Variants in TAOK3 observed in about 807,000 individuals in gnomAD.
The protein encoded by TAOK3 is TAO kinase 3, also known as serine/threonine-protein kinase TAO3.
In TAOK3, 40 loss-of-function variants were observed where a neutral mutation model predicts 120.4. The observed-to-expected ratio is 0.33, with a 90% CI of 0.26 to 0.43. The LOEUF is 0.43. TAOK3 is among the 20% of genes least tolerant of loss of function. The pLI is 1.00. For missense variants in TAOK3, 821 were observed against 1,112.1 expected (o/e 0.74, Z 3.72); for synonymous variants, 355 against 387.5 (o/e 0.92, Z 0.99).
Position 118,201,349 on chromosome 12 carries a change from G to T in TAOK3, c.934C>A (p.Leu312Ile). The change falls in exon 12 of 21, where the codon CTT (leucine) becomes ATT (isoleucine). Residue 312 changes from leucine to isoleucine, a missense_variant. Transcript: ENST00000392533. The part of the protein sequence containing the change: ...NLQYRKMKKI[L>I]FQETRNGPLN... Reference sequence around the variant, plus strand: ...GGTCCATTCCGTGTCTCTTGGAAAAGTATTTTTTTCATTTTTCGGTACTGT... The same window carrying T: ...GGTCCATTCCGTGTCTCTTGGAAAATTATTTTTTTCATTTTTCGGTACTGT... The T allele has an allele frequency of 6.2e-7, 1 of 1,613,904 alleles. No individual in the cohort carries two copies. Among genetic ancestry groups the T allele is most frequent in the Non-Finnish European group, 8.5e-7 (1 of 1,179,890 alleles).
chr12:118,199,439 G>T (rs1424230203), intron 12 of TAOK3, 182 bp from the exon 13 acceptor site: 1 of 612,684 alleles, frequency 1.6e-6, no homozygotes. Flanking sequence ...TCTCATATTT[G>T]CTTCCTATGC....
intron 16 of TAOK3, among the ~76,000 whole-genome samples, 194 bp downstream of exon 16, chr12:118,177,007 T>C (rs567982012): frequency 1.3e-5 from 2 of 152,326 alleles, no homozygotes; most frequent in Admixed American, 1.3e-4. Context: ...CCTCAGGTGA[T>C]CTGCCTGCCT....
At chr12:118,278,483 T>A (rs1353178983) in intron 1 of TAOK3, among the ~76,000 whole-genome samples, 1 of 152,212 alleles carries the variant, frequency 6.6e-6, no homozygotes, top group Non-Finnish European at 1.5e-5. Flanking sequence ...TCATTCTTTT[T>A]TCATGGCTGC....
intron 9 of TAOK3, among the ~76,000 whole-genome samples, chr12:118,227,292 T>TATATATAAAATATAA (rs1281028299): frequency 6.8e-6 from 1 of 147,716 alleles, no homozygotes; most frequent in Non-Finnish European, 1.5e-5. Flanking sequence ...AATATAAATT[T>TATATATAAAATATAA]ATATATAAAA....
intron 1 of TAOK3, among the ~76,000 whole-genome samples, chr12:118,329,370 C>A (rs538832118): frequency 3.3e-5 from 5 of 152,022 alleles, no homozygotes; most frequent in South Asian, 2.1e-4. Flanking sequence ...CTGAAGGATA[C>A]GAATTGCAAA....
At chr12:118,302,521 G>C (rs750351937) in intron 1 of TAOK3, among the ~76,000 whole-genome samples, 8 of 152,184 alleles carry the variant, frequency 5.3e-5, no homozygotes, top group Non-Finnish European at 1.2e-4. Flanking sequence ...AGCAGGGTCA[G>C]GTACAAGTTT....
chr12:118,169,475 C>T (rs1186289730), intron 17 of TAOK3, among the ~76,000 whole-genome samples: 1 of 146,188 alleles, frequency 6.8e-6, no homozygotes, highest in Non-Finnish European at 1.5e-5. Flanking sequence ...CACCACCACG[C>T]CTGGCTAATT....
At chr12:118,320,277 T>A (rs1257035733) in intron 1 of TAOK3, among the ~76,000 whole-genome samples, 3 of 152,162 alleles carry the variant, frequency 2.0e-5, no homozygotes, top group African/African-American at 7.2e-5. Flanking sequence ...GATGTTCCCA[T>A]AATTATTTCC....
chr12:118,281,802 G>A (rs1566059111), intron 1 of TAOK3, among the ~76,000 whole-genome samples: 1 of 151,732 alleles, frequency 6.6e-6, no homozygotes, highest in Non-Finnish European at 1.5e-5. Flanking sequence ...AATTTGTCAC[G>A]TAGTAATATA....
intron 14 of TAOK3, among the ~76,000 whole-genome samples, chr12:118,182,599 G>GTGTATATATATATATATATATATA (rs1440847647): frequency 2.1e-5 from 2 of 93,918 alleles, no homozygotes; most frequent in African/African-American, 4.8e-5. Context: ...GTGTGTGTGT[G>GTGTATATATATATATATATATATA]TATATATATA....
At chr12:118,167,632 G>A (rs887598968) in intron 17 of TAOK3, among the ~76,000 whole-genome samples, 12 of 151,498 alleles carry the variant, frequency 7.9e-5, no homozygotes, top group Non-Finnish European at 1.6e-4. Flanking sequence ...TTTTTGTAAG[G>A]CTCAGCTTCC....
intron 11 of TAOK3, among the ~76,000 whole-genome samples, chr12:118,209,268 G>C (rs1471306651): frequency 1.3e-5 from 2 of 152,198 alleles, no homozygotes; most frequent in Non-Finnish European, 2.9e-5. Context: ...ATGGTTTGCT[G>C]TCATTTGTGC....
intron 1 of TAOK3, among the ~76,000 whole-genome samples, chr12:118,369,268 T>C (rs2045833735): frequency 6.6e-6 from 1 of 152,200 alleles, no homozygotes; most frequent in African/African-American, 2.4e-5. Flanking sequence ...AGTATAGTTT[T>C]AGTTTTTTGA....
At chr12:118,179,418 T>C (rs1322252976) in intron 15 of TAOK3, among the ~76,000 whole-genome samples, 2 of 152,114 alleles carry the variant, frequency 1.3e-5, no homozygotes, top group African/African-American at 4.8e-5. Flanking sequence ...ATAAATCACC[T>C]CTTGTACCTA....
intron 1 of TAOK3, among the ~76,000 whole-genome samples, chr12:118,361,441 A>C (rs1464316598): frequency 6.6e-6 from 1 of 151,760 alleles, no homozygotes; most frequent in Non-Finnish European, 1.5e-5. Context: ...ACTATCATTT[A>C]CTTCCTTAGG....
intron 1 of TAOK3, among the ~76,000 whole-genome samples, chr12:118,358,092 TA>T (rs1368006710): frequency 4.6e-5 from 7 of 152,194 alleles, no homozygotes; most frequent in Admixed American, 3.9e-4. Context: ...GTGAAGTTGG[TA>T]AAGAAATTAT....
At position 118,255,231 on chromosome 12, in the gene TAOK3, T is replaced by G. The variant is rs145618328; in HGVS notation, c.120+217A>C. On this transcript the variant is annotated intron_variant, in intron 3 of 20. Transcript: ENST00000392533. ...AAAATCACTGAAACCAAGCTTATTT[T>G]ACGAGCAACAGCTATGTGTAGAGAA... Among the ~76,000 whole-genome samples, 1,049 of 152,334 alleles carry G rather than the reference T, an allele frequency of 6.9e-3. 14 individuals are homozygous for G. Among genetic ancestry groups the G allele is most frequent in the African/African-American group, 0.024 (978 of 41,570 alleles).
chr12:118,350,753 G>A (rs1346170264), intron 1 of TAOK3, among the ~76,000 whole-genome samples: 1 of 151,726 alleles, frequency 6.6e-6, no homozygotes, highest in Admixed American at 6.6e-5. Flanking sequence ...CCAGCTACTC[G>A]GGAGGCTGAG....
At chr12:118,342,953 A>AG (rs1566147458) in intron 1 of TAOK3, among the ~76,000 whole-genome samples, 3 of 145,126 alleles carry the variant, frequency 2.1e-5, no homozygotes, top group South Asian at 4.2e-4. Flanking sequence ...AAAAAAAAAA[A>AG]AAAAAGAGAG....
Sources: gnomAD v4.1 joint callset for allele counts (sites outside exome capture counted in the v4.1 genomes callset) on GRCh38, gnomAD v4.1.1 for gene constraint, MANE v1.5 for transcripts, NCBI Gene and HGNC (gene_info 2026-07-23, HGNC 2026-07-21) for gene names.